C22orf31: variants seen among roughly 807,000 people sequenced by gnomAD.
C22orf31 encodes uncharacterized protein C22orf31.
In C22orf31, 11 loss-of-function variants were observed where a neutral mutation model predicts 15.0. The observed-to-expected ratio is 0.73, with a 90% CI of 0.46 to 1.21. C22orf31 has a LOEUF of 1.21. Among genes scored for constraint, C22orf31 ranks in the 50% most tolerant of loss-of-function variants. C22orf31 has a pLI of 0.00. For missense variants in C22orf31, 340 were observed against 347.2 expected (o/e 0.98, Z 0.17); for synonymous variants, 132 against 133.3 (o/e 0.99, Z 0.07).
upstream of C22orf31, among the ~76,000 whole-genome samples, chr22:29,062,688 C>T (rs979099186): frequency 3.3e-5 from 5 of 151,984 alleles, no homozygotes; most frequent in African/African-American, 1.2e-4. Flanking sequence ...TGCCTGCTTG[C>T]GTTTTTAAGT....
In C22orf31 at chr22:29,058,746, T is replaced by G; in HGVS notation, c.869A>C (p.Lys290Thr). 1 of 1,605,172 alleles carries G rather than the reference T, an allele frequency of 6.2e-7. No homozygotes were observed. The highest frequency in any genetic ancestry group is 1.1e-5 in the South Asian group (1 of 90,136). Reference protein sequence around the residue: ...LKKWPKLKSKK With the variant: ...LKKWPKLKSKT ...TAATCCCATGAGTTCTTGTTCCTAT[T>G]TTTTGCTCTTTAACTTGGGCCATTT... The change falls in exon 3 of 3, where the codon AAA becomes ACA. Residue 290 changes from lysine to threonine, a missense_variant. By Grantham distance (78) the Lys-to-Thr change is moderately conservative (BLOSUM62 -1). Transcript: ENST00000216071.
At chr22:29,068,084 C>CTT in the C22orf31 span, among the ~76,000 whole-genome samples, 63,111 of 130,038 alleles carry the variant, frequency 0.49, 16,481 homozygotes, top group Middle Eastern at 0.61. Context: ...CAAACCCCGT[C>CTT]TTTTTTTTTT....
upstream of C22orf31, among the ~76,000 whole-genome samples, chr22:29,063,509 T>C (rs1396938745): frequency 1.3e-5 from 2 of 152,188 alleles, no homozygotes; most frequent in African/African-American, 4.8e-5. Context: ...GGGCAGCACT[T>C]GATACATACT....
At chr22:29,072,207 C>T in the C22orf31 span, among the ~76,000 whole-genome samples, 1 of 151,986 alleles carries the variant, frequency 6.6e-6, no homozygotes, top group Non-Finnish European at 1.5e-5. Context: ...TGCAGTGGTG[C>T]GAAGAAGGCT....
At chr22:29,066,539 CTTTTT>C (rs134565), upstream of C22orf31, among the ~76,000 whole-genome samples, 7 of 70,228 alleles carry the variant, frequency 1.0e-4, no homozygotes, top group East Asian at 1.2e-3. Context: ...CTTTTCTTTT[CTTTTT>C]TTTTTTTTTT....
At chr22:29,061,398 T>C (rs1373447643) in intron 1 of C22orf31, among the ~76,000 whole-genome samples, 3 of 152,066 alleles carry the variant, frequency 2.0e-5, no homozygotes, top group African/African-American at 7.2e-5. Flanking sequence ...TCCGAAGTAG[T>C]TGAGATTACA....
the C22orf31 span, among the ~76,000 whole-genome samples, chr22:29,069,716 G>A: frequency 6.6e-6 from 1 of 152,148 alleles, no homozygotes; most frequent in Non-Finnish European, 1.5e-5. Flanking sequence ...CATCACCTGT[G>A]CTGGGCTTTC....
At chr22:29,068,724 A>G in the C22orf31 span, among the ~76,000 whole-genome samples, 1 of 149,366 alleles carries the variant, frequency 6.7e-6, no homozygotes, top group East Asian at 2.0e-4. Flanking sequence ...CCTGTCTTTA[A>G]AACAAAAAAG....
At chr22:29,059,203 G>A in intron 2 of C22orf31, 21 bp from the exon 3 acceptor site, 1 of 1,552,710 alleles carries the variant, frequency 6.4e-7, no homozygotes. Context: ...AGAAAGCAGA[G>A]AAGTCAAAGC....
chr22:29,063,221 G>A (rs1421197038), upstream of C22orf31, among the ~76,000 whole-genome samples: 1 of 152,102 alleles, frequency 6.6e-6, no homozygotes, highest in Non-Finnish European at 1.5e-5. Context: ...CTGGAGTGCA[G>A]TGGTGCGATC....
chr22:29,065,968 T>G (rs758656838), upstream of C22orf31, among the ~76,000 whole-genome samples: 35 of 152,232 alleles, frequency 2.3e-4, no homozygotes, highest in Non-Finnish European at 1.2e-4. Context: ...AAACCACCGC[T>G]TCTATTTGCA....
upstream of C22orf31, among the ~76,000 whole-genome samples, chr22:29,062,926 GC>G (rs1430608626): frequency 6.6e-6 from 1 of 152,078 alleles, no homozygotes; most frequent in Non-Finnish European, 1.5e-5. Context: ...GACTGGGCAG[GC>G]AAGAGTCTTT....
chr22:29,063,744 A>G (rs760628), upstream of C22orf31, among the ~76,000 whole-genome samples: 66,002 of 152,142 alleles, frequency 0.43, 17,935 homozygotes, highest in East Asian at 0.77. Context: ...GCTACCAACC[A>G]TCCTATGAGT....
chr22:29,073,131 A>T, the C22orf31 span: 1 of 1,061,258 alleles, frequency 9.4e-7, no homozygotes, highest in Non-Finnish European at 1.1e-6. The surrounding 1 kb of genome is among the most constrained non-coding windows in gnomAD (Gnocchi z 4.4). Flanking sequence ...CTGACGGCCC[A>T]TGGCGCCGCC....
At chr22:29,061,370 G>C (rs924777199) in intron 1 of C22orf31, among the ~76,000 whole-genome samples, 1 of 152,128 alleles carries the variant, frequency 6.6e-6, no homozygotes, top group Admixed American at 6.5e-5. Context: ...GGGCTCAAGG[G>C]ATTCTTCTGC....
At chr22:29,060,003 T>C in intron 2 of C22orf31, 1 of 967,618 alleles carries the variant, frequency 1.0e-6, no homozygotes, top group Non-Finnish European at 1.2e-6. Context: ...TCACTTGGTA[T>C]AGATCTTTTT....
chr22:29,064,899 G>C (rs1042940301), upstream of C22orf31, among the ~76,000 whole-genome samples: 8 of 151,640 alleles, frequency 5.3e-5, no homozygotes, highest in African/African-American at 1.9e-4. Flanking sequence ...TGTCACCCAG[G>C]CTGAAGTGCA....
chr22:29,058,917 T>C lies in C22orf31; in HGVS notation c.698A>G (p.Lys233Arg), dbSNP rs764436670. Reference protein sequence around the residue: ...PMLWNPSGTPKRYSLELGKAI... With the variant: ...PMLWNPSGTPRRYSLELGKAI... ...CTTGCCCAGCTCCAGGCTGTACCTC[T>C]TGGGGGTCCCTGAAGGATTCCACAG... Residue 233 changes from lysine to arginine, a missense_variant, in exon 3 of 3, where the codon AAG becomes AGG. Transcript: ENST00000216071. 1 of 1,614,198 alleles carries C rather than the reference T, an allele frequency of 6.2e-7. No individual in the cohort carries two copies. Among genetic ancestry groups the C allele is most frequent in the Non-Finnish European group, 8.5e-7 (1 of 1,180,020 alleles).
At position 29,058,704 on chromosome 22, in the gene C22orf31, T is replaced by A; in HGVS notation, c.*38A>T. The A allele has an allele frequency of 6.8e-7, 1 of 1,480,592 alleles. No homozygotes were observed. The highest frequency in any genetic ancestry group is 9.2e-7 in the Non-Finnish European group (1 of 1,086,732). 91.7% of individuals were successfully genotyped at this position (1,480,592 alleles called of 1,614,324 possible). On this transcript the variant is annotated 3_prime_UTR_variant, in exon 3 of 3. Coordinates refer to ENST00000216071, the MANE Select transcript of C22orf31 (RefSeq NM_015370.2). ...CAAAGTTGTGTTTATTTTTCAGATC[T>A]CTAGCAGAGAATACTCTAATCCCAT...
Sources: gnomAD v4.1 joint callset for allele counts (sites outside exome capture counted in the v4.1 genomes callset) on GRCh38, gnomAD v4.1.1 for gene constraint, Gnocchi (gnomAD v3.1) non-coding constraint, MANE v1.5 for transcripts, NCBI Gene and HGNC (gene_info 2026-07-23, HGNC 2026-07-21) for gene names.